Variants in INSR observed in about 807,000 individuals in gnomAD.
INSR encodes the protein IR.
INSR carries 67 observed loss-of-function variants against 142.6 expected under a neutral mutation model. The ratio of observed to expected loss-of-function variants is 0.47; its 90% CI spans 0.39 to 0.58. The LOEUF is 0.58. INSR is among the 20% of genes least tolerant of loss of function. The probability of loss-of-function intolerance (pLI) is 0.00; values close to 1 mark genes in which losing one functional copy is unlikely to be tolerated. For missense variants in INSR, 1,248 were observed against 1,833.2 expected (o/e 0.68, Z 5.83); for synonymous variants, 756 against 743.1 (o/e 1.02, Z -0.28).
chr19:7,194,012 CA>C (rs1321780502), intron 2 of INSR, among the ~76,000 whole-genome samples: 5 of 152,124 alleles, frequency 3.3e-5, no homozygotes, highest in African/African-American at 4.8e-5. Flanking sequence ...ATACATTTTT[CA>C]AAAGCCTCTG....
At chr19:7,130,475 T>C (rs1010432309) in intron 14 of INSR, among the ~76,000 whole-genome samples, 1 of 152,048 alleles carries the variant, frequency 6.6e-6, no homozygotes, top group Non-Finnish European at 1.5e-5. Flanking sequence ...AGTGGCCGGG[T>C]GGGAGGTGAT....
chr19:7,259,986 AT>A (rs1289553883), intron 2 of INSR, among the ~76,000 whole-genome samples: 1 of 152,152 alleles, frequency 6.6e-6, no homozygotes, highest in Non-Finnish European at 1.5e-5. Flanking sequence ...ATTTAAAAAA[AT>A]ATTAAAAACT....
chr19:7,119,224 GTACA>G lies in INSR; in HGVS notation c.3794+221_3794+224del, dbSNP rs1972416167. Among the ~76,000 whole-genome samples the G allele has an allele frequency of 6.6e-6, 1 of 152,138 alleles. No individual in the cohort carries two copies. On this transcript the variant is annotated intron_variant, in intron 21 of 21. Coordinates refer to ENST00000302850, the MANE Select transcript of INSR (RefSeq NM_000208.4). This position sits in a 1 kb window ranked among gnomAD's most constrained non-coding sequence, Gnocchi z 5.2. ...AAATATATAATATGCAAACGTAAGC[GTACA>G]TGTAGCACATATGGGAACTCAAGTG...
Position 7,281,074 on chromosome 19 carries a change from C to T in INSR, c.100+12718G>A, listed in dbSNP as rs372725110. On this transcript the variant is annotated intron_variant, in intron 1 of 21. Coordinates refer to ENST00000302850, the MANE Select transcript of INSR (RefSeq NM_000208.4). ...GTTTTGTAATCCTAACAATATCAAA[C>T]ATCAAACCACAGGATTAGAAGGGGG... 7.9e-5 allele frequency among the ~76,000 whole-genome samples: 12 copies of T among 152,192 alleles called. No homozygotes were observed. The East Asian group carries it at 2.3e-3, about 29-fold the overall frequency.
intron 3 of INSR, 78 bp from the exon 4 acceptor site, chr19:7,174,809 A>C: frequency 4.7e-5 from 67 of 1,412,530 alleles, no homozygotes; most frequent in Non-Finnish European, 5.6e-5. Flanking sequence ...CAGACATCTC[A>C]GGCATCTTTC....
chr19:7,224,361 T>C (rs543204603), intron 2 of INSR, among the ~76,000 whole-genome samples: 1 of 152,090 alleles, frequency 6.6e-6, no homozygotes, highest in African/African-American at 2.4e-5. Flanking sequence ...CAGGGCTGTT[T>C]TCCAATTGGC....
intron 1 of INSR, among the ~76,000 whole-genome samples, chr19:7,269,687 C>T (rs1416355472): frequency 6.6e-6 from 1 of 151,558 alleles, no homozygotes; most frequent in Non-Finnish European, 1.5e-5. Flanking sequence ...AAGAACCCCG[C>T]GTGCCATTGG....
At chr19:7,260,428 G>T (rs1977023200) in intron 2 of INSR, among the ~76,000 whole-genome samples, 1 of 152,146 alleles carries the variant, frequency 6.6e-6, no homozygotes, top group Admixed American at 6.6e-5. Context: ...GTGGCTTCTG[G>T]TCCCCTCAAA....
chr19:7,286,193 G>C lies in INSR; in HGVS notation c.100+7599C>G, dbSNP rs918638065. On this transcript the variant is annotated intron_variant, in intron 1 of 21. Coordinates refer to ENST00000302850, the MANE Select transcript of INSR (RefSeq NM_000208.4). ...AGACGGGGTCTTGCTATGTTACCCA[G>C]GCTGGTCTTGAACTCCTGGGCTCAA... Among the ~76,000 whole-genome samples the C allele has an allele frequency of 2.0e-5, 3 of 151,800 alleles. No individual in the cohort carries two copies. The East Asian group carries it at 5.8e-4, about 29-fold the overall frequency.
At chr19:7,197,321 AGAGT>A (rs59460120) in intron 2 of INSR, among the ~76,000 whole-genome samples, 3 of 151,324 alleles carry the variant, frequency 2.0e-5, no homozygotes, top group African/African-American at 4.9e-5. Context: ...CTTCGGAGAG[AGAGT>A]GAGTGAGTGA....
chr19:7,116,924 A>C lies in INSR; in HGVS notation c.*132T>G, dbSNP rs1972342497. 28 of 785,388 alleles carry C rather than the reference A, an allele frequency of 3.6e-5. No homozygotes were observed. The South Asian group carries it at 4.0e-4, about 11-fold the overall frequency. The allele number at this position is 785,388 out of a possible 1,614,324, so 48.7% of individuals were successfully genotyped here. ...ACGAGTCCACCTTAAGATGAACAGA[A>C]ATGTATAGGAACGATCTCTGAACTC... On this transcript the variant is annotated 3_prime_UTR_variant, in exon 22 of 22. Coordinates refer to ENST00000302850, the MANE Select transcript of INSR (RefSeq NM_000208.4).
chr19:7,224,890 G>A (rs1039349575), intron 2 of INSR, among the ~76,000 whole-genome samples: 1 of 151,234 alleles, frequency 6.6e-6, no homozygotes, highest in Non-Finnish European at 1.5e-5. Flanking sequence ...TAAATTAGCT[G>A]GCTGAAGAAA....
At chr19:7,191,925 G>A (rs545643685) in intron 2 of INSR, among the ~76,000 whole-genome samples, 1 of 126,204 alleles carries the variant, frequency 7.9e-6, no homozygotes, top group Admixed American at 8.9e-5. Context: ...ACAGAAAGAA[G>A]GAGGGAAGGA....
chr19:7,185,595 C>A (rs1974404139), intron 2 of INSR, among the ~76,000 whole-genome samples: 1 of 152,028 alleles, frequency 6.6e-6, no homozygotes, highest in Non-Finnish European at 1.5e-5. Context: ...GTAATCCTAG[C>A]AATTTGGGAG....
At chr19:7,285,653 AT>A (rs1968328322) in intron 1 of INSR, among the ~76,000 whole-genome samples, 2 of 152,116 alleles carry the variant, frequency 1.3e-5, no homozygotes, top group Non-Finnish European at 1.5e-5. Flanking sequence ...AAAAATTTAA[AT>A]TTTAAATTTT....
In INSR at chr19:7,192,437, T is replaced by C. The variant is rs1264422144; in HGVS notation, c.653-7800A>G. Among the ~76,000 whole-genome samples the C allele has an allele frequency of 6.6e-6, 1 of 152,060 alleles. No homozygotes were observed. The highest frequency in any genetic ancestry group is 1.5e-5 in the Non-Finnish European group (1 of 68,016). On this transcript the variant is annotated intron_variant, in intron 2 of 21. Transcript: ENST00000302850. The surrounding 1 kb of genome is among the most constrained non-coding windows in gnomAD (Gnocchi z 4.2). The stretch of plus-strand genomic sequence containing the variant: ...TATGAAAGCCACGTGTCATGCAAGA[T>C]GAGAAACAGCCCCAGTGGAGGACGG...
chr19:7,158,045 G>GTATTATTAT (rs72379188), intron 9 of INSR, among the ~76,000 whole-genome samples: 1,902 of 141,222 alleles, frequency 0.013, 29 homozygotes, highest in African/African-American at 0.039. Flanking sequence ...GAAGCTCCTG[G>GTATTATTAT]TATTATTATT....
In INSR at chr19:7,141,815, G is replaced by A; in HGVS notation, c.2544C>T (p.Ala848=). ...AYVSARTMPE[A]KADDIVGPVT... is the part of the protein sequence containing the mutation. ...CAGGGCCAACAATGTCATCAGCCTT[G>A]GCTGTAAGGAGAGGAAGTGAGAGGC... is the stretch of plus-strand genomic sequence containing the variant. The change falls in exon 13 of 22, where the codon GCC becomes GCT. Residue 848 remains alanine, a splice_region_variant and synonymous_variant. Coordinates refer to ENST00000302850, the MANE Select transcript of INSR (RefSeq NM_000208.4). The A allele has an allele frequency of 6.2e-7, 1 of 1,613,878 alleles. No homozygotes were observed. Among genetic ancestry groups the A allele is most frequent in the Non-Finnish European group, 8.5e-7 (1 of 1,179,806 alleles).
At chr19:7,199,469 C>T (rs925929588) in intron 2 of INSR, among the ~76,000 whole-genome samples, 2 of 151,596 alleles carry the variant, frequency 1.3e-5, no homozygotes, top group Admixed American at 6.6e-5. Context: ...GCCATCATAG[C>T]TCACTGCAGT....
Sources: allele counts gnomAD v4.1 joint callset (sites outside exome capture counted in the v4.1 genomes callset), GRCh38; gene constraint gnomAD v4.1.1; non-coding constraint Gnocchi (gnomAD v3.1); transcripts MANE v1.5; gene names NCBI Gene and HGNC (gene_info 2026-07-23, HGNC 2026-07-21).